PKIB: variants seen among roughly 807,000 people sequenced by gnomAD.
PKIB encodes the protein PKI-beta.
Under a neutral mutation model 4.5 loss-of-function variants are expected in PKIB, and 2 were observed. That is an observed-to-expected ratio of 0.44 (90% confidence interval 0.18 to 1.39). The LOEUF is 1.39. Among genes scored for constraint, PKIB ranks in the 40% most tolerant of loss-of-function variants. The probability of loss-of-function intolerance (pLI) is 0.27; values close to 1 mark genes in which losing one functional copy is unlikely to be tolerated. For missense variants in PKIB, 94 were observed against 92.6 expected, an observed-to-expected ratio of 1.02 and a Z score of -0.06; for synonymous variants, 38 against 36.0, an observed-to-expected ratio of 1.06 and a Z score of -0.20.
intron 2 of PKIB, among the ~76,000 whole-genome samples, chr6:122,523,318 T>C (rs1041210641): frequency 6.6e-6 from 1 of 152,232 alleles, no homozygotes; most frequent in Non-Finnish European, 1.5e-5. Context: ...TGTTAAATTA[T>C]CCTTGCATTC....
chr6:122,482,370 G>A (rs761400878), intron 2 of PKIB: 1 of 152,146 alleles, frequency 6.6e-6, no homozygotes, highest in Non-Finnish European at 1.5e-5. Context: ...AATTTAATAG[G>A]CTCTTTTCAT....
intron 2 of PKIB, among the ~76,000 whole-genome samples, chr6:122,565,819 A>G (rs1773173871): frequency 6.6e-6 from 1 of 152,196 alleles, no homozygotes; most frequent in Non-Finnish European, 1.5e-5. Context: ...AAAAGGTATG[A>G]ATTGGTTCAC....
intron 2 of PKIB, among the ~76,000 whole-genome samples, chr6:122,664,171 G>T (rs1344837959): frequency 6.6e-6 from 1 of 152,168 alleles, no homozygotes; most frequent in Non-Finnish European, 1.5e-5. Flanking sequence ...GTCAGAGATT[G>T]ATTGATGTTT....
chr6:122,573,521 C>CAAAAAAAAAAAAAAAAAAAA (rs61014475), intron 2 of PKIB, among the ~76,000 whole-genome samples: 1 of 87,590 alleles, frequency 1.1e-5, no homozygotes, highest in Non-Finnish European at 2.3e-5. Flanking sequence ...GACTCTGTCT[C>CAAAAAAAAAAAAAAAAAAAA]AAAAAAAAAA....
intron 2 of PKIB, among the ~76,000 whole-genome samples, chr6:122,526,307 A>G (rs1249338100): frequency 1.3e-5 from 2 of 152,148 alleles, no homozygotes; most frequent in South Asian, 2.1e-4. Flanking sequence ...TGAATTACAA[A>G]CGTTCTTAAT....
intron 2 of PKIB, among the ~76,000 whole-genome samples, chr6:122,527,917 C>G (rs924407540): frequency 2.3e-4 from 35 of 151,978 alleles, no homozygotes; most frequent in Admixed American, 2.3e-3. Flanking sequence ...ATTTAAATCC[C>G]CTGTTTTCTT....
chr6:122,583,127 A>G (rs1442190890), intron 2 of PKIB, among the ~76,000 whole-genome samples: 2 of 151,834 alleles, frequency 1.3e-5, no homozygotes, highest in African/African-American at 4.8e-5. Flanking sequence ...TTTTGATTTC[A>G]TTGTATAATA....
chr6:122,504,751 G>A (rs1044768737), intron 2 of PKIB, among the ~76,000 whole-genome samples: 2 of 152,142 alleles, frequency 1.3e-5, no homozygotes, highest in East Asian at 3.9e-4. Flanking sequence ...TTTATCTACT[G>A]AAGGATAATC....
chr6:122,594,984 G>A (rs1774132961), intron 3 of PKIB, among the ~76,000 whole-genome samples: 1 of 152,158 alleles, frequency 6.6e-6, no homozygotes, highest in Admixed American at 6.5e-5. Flanking sequence ...TGTCCAGGTG[G>A]CAATCTTAAC....
chr6:122,576,689 A>AAAAAAAAAAAAT (rs1345822382), intron 2 of PKIB, among the ~76,000 whole-genome samples: 6 of 34,316 alleles, frequency 1.7e-4, no homozygotes, highest in East Asian at 1.1e-3. Flanking sequence ...AAAAAAAAAA[A>AAAAAAAAAAAAT]ATATATATAT....
At chr6:122,721,943 C>T (rs1483628222) in intron 4 of PKIB, among the ~76,000 whole-genome samples, 2 of 152,084 alleles carry the variant, frequency 1.3e-5, no homozygotes, top group East Asian at 3.9e-4. Context: ...AGATAAGTAA[C>T]AGTTCAAAAT....
At chr6:122,637,263 T>C (rs921309456) in intron 2 of PKIB, among the ~76,000 whole-genome samples, 1 of 152,154 alleles carries the variant, frequency 6.6e-6, no homozygotes. Flanking sequence ...TGTTTGAAAA[T>C]TGCTTTTTCT....
intron 2 of PKIB, among the ~76,000 whole-genome samples, chr6:122,649,304 C>T (rs1425853224): frequency 1.3e-5 from 2 of 152,198 alleles, no homozygotes; most frequent in Non-Finnish European, 2.9e-5. Flanking sequence ...CTTCACTGCT[C>T]AAAGTTGTGT....
At chr6:122,703,922 G>GTGTA (rs757902432) in intron 3 of PKIB, among the ~76,000 whole-genome samples, 3 of 133,478 alleles carry the variant, frequency 2.2e-5, no homozygotes, top group South Asian at 2.6e-4. Flanking sequence ...ATATATGTGT[G>GTGTA]TATATATATA....
At chr6:122,678,906 C>G (rs917793376) in intron 3 of PKIB, among the ~76,000 whole-genome samples, 2 of 152,114 alleles carry the variant, frequency 1.3e-5, no homozygotes, top group African/African-American at 4.8e-5. Flanking sequence ...ATAAAGAGAG[C>G]AAATGCAATG....
intron 3 of PKIB, among the ~76,000 whole-genome samples, chr6:122,688,352 G>A (rs150483917): frequency 5.6e-4 from 86 of 152,242 alleles, no homozygotes; most frequent in South Asian, 1.7e-3. Flanking sequence ...GAATTGGTTT[G>A]CTAGTGTTTT....
At chr6:122,666,248 G>A (rs1777216181) in intron 2 of PKIB, among the ~76,000 whole-genome samples, 2 of 152,112 alleles carry the variant, frequency 1.3e-5, no homozygotes, top group South Asian at 4.1e-4. Flanking sequence ...GATTCAAACA[G>A]GTTAACCTTG....
At chr6:122,536,929 C>T (rs1411708302) in intron 2 of PKIB, among the ~76,000 whole-genome samples, 2 of 148,016 alleles carry the variant, frequency 1.4e-5, no homozygotes, top group African/African-American at 5.0e-5. Context: ...CAACGAACCT[C>T]AAATTTTGCT....
intron 3 of PKIB, among the ~76,000 whole-genome samples, chr6:122,683,717 G>A (rs999529963): frequency 2.0e-5 from 3 of 152,150 alleles, no homozygotes; most frequent in South Asian, 2.1e-4. Context: ...CAGTTTTTTC[G>A]TAAAGCCTTA....
Sources: allele counts gnomAD v4.1 joint callset (sites outside exome capture counted in the v4.1 genomes callset), GRCh38; gene constraint gnomAD v4.1.1; transcripts MANE v1.5; gene names NCBI Gene and HGNC (gene_info 2026-07-23, HGNC 2026-07-21).